GALNT17: variants seen among roughly 807,000 people sequenced by gnomAD.
The protein encoded by GALNT17 is polypeptide N-acetylgalactosaminyltransferase 17, also known as UDP-GalNAc:polypeptide N-acetylgalactosaminyltransferase-like 3.
A neutral mutation model predicts 63.7 loss-of-function variants in GALNT17; 29 were observed. The observed-to-expected ratio is 0.46, with a 90% CI of 0.34 to 0.62. The LOEUF (loss-of-function observed/expected upper bound fraction) is 0.62, where lower values mean the gene tolerates loss of function less well. Among genes scored for constraint, GALNT17 ranks in the 20% least tolerant of loss-of-function variants. GALNT17 has a pLI of 0.01. For synonymous variants in GALNT17, 305 were observed against 318.3 expected, an observed-to-expected ratio of 0.96 and a Z score of 0.45; for missense variants, 603 against 799.6, an observed-to-expected ratio of 0.75 and a Z score of 2.97.
intron 6 of GALNT17, among the ~76,000 whole-genome samples, chr7:71,587,754 G>A (rs1430991507): frequency 6.6e-6 from 1 of 151,992 alleles, no homozygotes; most frequent in East Asian, 1.9e-4. Context: ...GACTTAAAAT[G>A]TAAATTTCAG....
intron 1 of GALNT17, among the ~76,000 whole-genome samples, chr7:71,178,631 T>G (rs1254619104): frequency 6.6e-6 from 1 of 152,168 alleles, no homozygotes; most frequent in African/African-American, 2.4e-5. Flanking sequence ...TTGATCTGTC[T>G]TGAAGTTCCC....
At chr7:71,431,028 G>T (rs904681262) in intron 5 of GALNT17, among the ~76,000 whole-genome samples, 4 of 152,008 alleles carry the variant, frequency 2.6e-5, no homozygotes, top group Admixed American at 2.0e-4. Flanking sequence ...GCACTTCAGG[G>T]CAATGAAATG....
At chr7:71,399,601 T>C (rs1393686948) in intron 3 of GALNT17, among the ~76,000 whole-genome samples, 5 of 152,218 alleles carry the variant, frequency 3.3e-5, no homozygotes, top group African/African-American at 1.2e-4. Context: ...TTACTGTAGT[T>C]TTTTTGTGAA....
rs1478345446 is a variant in GALNT17, at chr7:71,703,881, T to C, written c.1501-6880T>C. On this transcript the variant is annotated intron_variant, in intron 9 of 10. Coordinates refer to ENST00000333538, the MANE Select transcript of GALNT17 (RefSeq NM_022479.3). ...TTTTGAGAAGTAAGGGAGACAACTT[T>C]TCAACAAAATGGAAAGTAATATTCT... 2.6e-5 allele frequency among the ~76,000 whole-genome samples: 4 copies of C among 151,712 alleles called. 1 individual carries two copies. In the South Asian group the frequency reaches 8.3e-4, roughly 31 times the overall value.
intron 2 of GALNT17, among the ~76,000 whole-genome samples, chr7:71,339,696 A>C (rs28614158): frequency 0.05 from 7,649 of 151,964 alleles, 641 homozygotes; most frequent in African/African-American, 0.17. Flanking sequence ...TCTCAAAAAA[A>C]AAAAAGGAAA....
chr7:71,275,653 C>T (rs906175308), intron 1 of GALNT17, among the ~76,000 whole-genome samples: 1 of 152,132 alleles, frequency 6.6e-6, no homozygotes, highest in Non-Finnish European at 1.5e-5. Flanking sequence ...AGCTAGAAAG[C>T]GTTTTGAGCT....
At chr7:71,617,703 C>G (rs899033902) in intron 6 of GALNT17, among the ~76,000 whole-genome samples, 7 of 151,814 alleles carry the variant, frequency 4.6e-5, no homozygotes, top group Non-Finnish European at 1.0e-4. Flanking sequence ...AGTGCTGTGG[C>G]GCGATCTCGG....
chr7:71,239,678 G>A lies in GALNT17; in HGVS notation c.239-95872G>A, dbSNP rs77396671. ...CGAAGCAGGGCTGGATCTCTGAAAC[G>A]GCACAGCTGAGCAGAGCTTGGGATT... On this transcript the variant is annotated intron_variant, in intron 1 of 10. Coordinates refer to ENST00000333538, the MANE Select transcript of GALNT17 (RefSeq NM_022479.3). Among the ~76,000 whole-genome samples, 175 of 152,262 alleles carry A rather than the reference G, an allele frequency of 1.1e-3. 2 individuals carry two copies. In the East Asian group the frequency reaches 0.027, roughly 23 times the overall value.
intron 5 of GALNT17, among the ~76,000 whole-genome samples, chr7:71,560,007 A>C (rs556824724): frequency 6.6e-6 from 1 of 151,948 alleles, no homozygotes; most frequent in Non-Finnish European, 1.5e-5. Context: ...CAGCCTAGCC[A>C]AGATGGTGAA....
At chr7:71,420,757 G>A in intron 4 of GALNT17, 151 bp from the exon 5 acceptor site, 1 of 849,296 alleles carries the variant, frequency 1.2e-6, no homozygotes, top group South Asian at 1.5e-5. Flanking sequence ...TCCAGCGTGG[G>A]CAGGTCCCTG....
intron 5 of GALNT17, among the ~76,000 whole-genome samples, chr7:71,538,996 G>A (rs943322718): frequency 1.1e-4 from 16 of 152,050 alleles, no homozygotes; most frequent in African/African-American, 3.6e-4. Context: ...GAGTGCAGTG[G>A]CGCCATTTCA....
chr7:71,583,217 C>T (rs1167714705), intron 6 of GALNT17, among the ~76,000 whole-genome samples: 5 of 152,176 alleles, frequency 3.3e-5, no homozygotes, highest in Non-Finnish European at 5.9e-5. Context: ...GCCTCAGCCT[C>T]CTGAGTAGCT....
At chr7:71,471,425 C>A (rs4719125) in intron 5 of GALNT17, among the ~76,000 whole-genome samples, 54,505 of 127,332 alleles carry the variant, frequency 0.43, 12,048 homozygotes, top group Non-Finnish European at 0.55. Flanking sequence ...CAAAAAAAAC[C>A]AAAAACCATA....
Position 71,382,447 on chromosome 7 carries a change from G to T in GALNT17, c.423-5788G>T, listed in dbSNP as rs182679821. 3.9e-4 allele frequency among the ~76,000 whole-genome samples: 59 copies of T among 152,300 alleles called. 3 individuals are homozygous for T. In the South Asian group the frequency reaches 5.0e-3, roughly 13 times the overall value. Reference sequence around the variant, plus strand: ...CCAGGGCCTGAAAGTCTAAGAGTAAGGGTTTTGGGACTACGAGGCTGGAGA... The same window carrying T: ...CCAGGGCCTGAAAGTCTAAGAGTAATGGTTTTGGGACTACGAGGCTGGAGA... On this transcript the variant is annotated intron_variant, in intron 2 of 10. Transcript: ENST00000333538.
In GALNT17 at chr7:71,247,559, C is replaced by T. The variant is rs565243290; in HGVS notation, c.239-87991C>T. ...GCAACCTCTGCCTCCTGGGTTCAAG[C>T]TATTTTCCTGCCTCAGCCTCCCGAG... On this transcript the variant is annotated intron_variant, in intron 1 of 10. Transcript: ENST00000333538. 3.3e-5 allele frequency among the ~76,000 whole-genome samples: 5 copies of T among 152,238 alleles called. No homozygotes were observed. In the South Asian group the frequency reaches 1.0e-3, roughly 32 times the overall value.
intron 6 of GALNT17, among the ~76,000 whole-genome samples, chr7:71,574,025 G>C (rs538340636): frequency 1.3e-5 from 2 of 152,132 alleles, no homozygotes; most frequent in Non-Finnish European, 2.9e-5. Flanking sequence ...ATTCCATTGC[G>C]TACATGTACA....
At chr7:71,299,860 G>C (rs562250999) in intron 1 of GALNT17, among the ~76,000 whole-genome samples, 3 of 152,018 alleles carry the variant, frequency 2.0e-5, no homozygotes, top group Non-Finnish European at 4.4e-5. Context: ...CCGCCTCCCG[G>C]GTTCAAGTGA....
intron 6 of GALNT17, among the ~76,000 whole-genome samples, chr7:71,573,892 A>G (rs1048805369): frequency 2.6e-5 from 4 of 152,114 alleles, no homozygotes; most frequent in African/African-American, 7.2e-5. Flanking sequence ...TATGTGCTCA[A>G]TGTTCAGTTC....
At chr7:71,691,192 C>A (rs966515114) in intron 9 of GALNT17, among the ~76,000 whole-genome samples, 1 of 152,112 alleles carries the variant, frequency 6.6e-6, no homozygotes, top group Non-Finnish European at 1.5e-5. Flanking sequence ...ACCACCACCC[C>A]GCCACCCTGA....
Sources: gnomAD v4.1 joint callset for allele counts (sites outside exome capture counted in the v4.1 genomes callset) on GRCh38, gnomAD v4.1.1 for gene constraint, MANE v1.5 for transcripts, NCBI Gene and HGNC (gene_info 2026-07-23, HGNC 2026-07-21) for gene names.